PCNX1: variants seen among roughly 807,000 people sequenced by gnomAD.
PCNX1 encodes pecanex 1, also known as pecanex-like protein 1.
A neutral mutation model predicts 242.2 loss-of-function variants in PCNX1; 78 were observed. That is an observed-to-expected ratio of 0.32 (90% CI 0.27 to 0.39). PCNX1 has a LOEUF of 0.39. Ranked by LOEUF, PCNX1 falls within the 10% of genes least tolerant of loss-of-function variation. The pLI is 1.00. For synonymous variants in PCNX1, 1,024 were observed against 1,032.9 expected (o/e 0.99, Z 0.17); for missense variants, 2,581 against 2,856.5 (o/e 0.90, Z 2.20).
chr14:71,023,305 GT>G, intron 13 of PCNX1, 73 bp downstream of exon 13: 7 of 1,209,186 alleles, frequency 5.8e-6, no homozygotes, highest in Non-Finnish European at 7.2e-6. Flanking sequence ...TTTGTTTTTT[GT>G]TTTTTTGTTT....
intron 1 of PCNX1, among the ~76,000 whole-genome samples, chr14:70,913,319 CAT>C (rs1393346644): frequency 6.6e-6 from 1 of 152,144 alleles, no homozygotes; most frequent in Non-Finnish European, 1.5e-5. Context: ...TAGGCTGTAT[CAT>C]ATGGTGGAGC....
intron 31 of PCNX1, among the ~76,000 whole-genome samples, chr14:71,102,878 G>A (rs1337577898): frequency 6.6e-6 from 1 of 152,066 alleles, no homozygotes; most frequent in Non-Finnish European, 1.5e-5. Flanking sequence ...CAAAATGATA[G>A]CATACCATGT....
intron 30 of PCNX1, among the ~76,000 whole-genome samples, chr14:71,091,933 T>G (rs936425916): frequency 1.3e-5 from 2 of 152,198 alleles, no homozygotes; most frequent in Non-Finnish European, 2.9e-5. Context: ...TCCAGTAAAT[T>G]GTGTATTTCA....
rs144058686 is a variant in PCNX1, at chr14:70,978,397, G to A, written c.2060G>A (p.Arg687His). The part of the protein sequence containing the change: ...RTSSTNSAKT[R>H]ARVLSLDSGT... ...TCTAGCACAAATAGTGCCAAGACTC[G>A]TGCCCGAGTGTTGAGCCTGGACAGT... The change falls in exon 6 of 36, where the codon CGT (arginine) becomes CAT (histidine). Residue 687 changes from arginine to histidine, a missense_variant. By Grantham distance (29) the Arg-to-His change is conservative. Transcript: ENST00000304743. 7.4e-6 allele frequency: 12 copies of A among 1,614,170 alleles called. No homozygotes were observed. Among genetic ancestry groups the A allele is most frequent in the East Asian group, 6.7e-5 (3 of 44,888 alleles).
At chr14:71,073,930 C>G (rs1024565883) in intron 27 of PCNX1, 132 bp downstream of exon 27, 19 of 531,566 alleles carry the variant, frequency 3.6e-5, no homozygotes, top group African/African-American at 3.3e-4. Context: ...TTTAAATTCT[C>G]TAGGATCCAG....
intron 18 of PCNX1, among the ~76,000 whole-genome samples, chr14:71,035,516 G>A (rs891751042): frequency 6.6e-6 from 1 of 152,056 alleles, no homozygotes; most frequent in South Asian, 2.1e-4. Flanking sequence ...CCAGCACTTT[G>A]GGAGGCCAAG....
At chr14:71,003,628 T>A (rs2059574174) in intron 8 of PCNX1, among the ~76,000 whole-genome samples, 1 of 152,200 alleles carries the variant, frequency 6.6e-6, no homozygotes, top group African/African-American at 2.4e-5. Context: ...AAATATGAAC[T>A]TGTACATTCA....
chr14:71,064,386 G>A (rs568394555), intron 26 of PCNX1, among the ~76,000 whole-genome samples: 33 of 152,218 alleles, frequency 2.2e-4, no homozygotes, highest in African/African-American at 3.9e-4. Flanking sequence ...TTTAATTCAG[G>A]TATCCCATTC....
chr14:71,070,726 A>G (rs1473500175), intron 26 of PCNX1, among the ~76,000 whole-genome samples: 1 of 152,212 alleles, frequency 6.6e-6, no homozygotes, highest in Non-Finnish European at 1.5e-5. Flanking sequence ...GTGCACAGTT[A>G]GAGGAAATTT....
chr14:71,070,781 G>A (rs1386922767), intron 26 of PCNX1, among the ~76,000 whole-genome samples: 1 of 152,156 alleles, frequency 6.6e-6, no homozygotes, highest in Non-Finnish European at 1.5e-5. Context: ...TGGTAAATGA[G>A]CATTTCAACT....
At chr14:71,068,792 A>G (rs1181331927) in intron 26 of PCNX1, among the ~76,000 whole-genome samples, 1 of 115,076 alleles carries the variant, frequency 8.7e-6, no homozygotes, top group Non-Finnish European at 1.7e-5. Flanking sequence ...ATACATACAT[A>G]TATGGATATA....
intron 1 of PCNX1, among the ~76,000 whole-genome samples, chr14:70,936,476 T>C (rs566299586): frequency 2.6e-4 from 40 of 152,266 alleles, no homozygotes; most frequent in Non-Finnish European, 5.4e-4. Flanking sequence ...TTTTTTATGG[T>C]TACATAGTAT....
At chr14:71,094,380 T>G (rs2141715798) in intron 30 of PCNX1, among the ~76,000 whole-genome samples, 1 of 152,350 alleles carries the variant, frequency 6.6e-6, no homozygotes, top group Admixed American at 6.5e-5. Context: ...GGTATGCACA[T>G]TTGTCAAGAT....
intron 7 of PCNX1, among the ~76,000 whole-genome samples, chr14:70,994,499 G>A (rs1411312267): frequency 1.4e-5 from 2 of 147,758 alleles, no homozygotes; most frequent in African/African-American, 5.0e-5. Flanking sequence ...TTTGTTTTAT[G>A]TGTACTAGAG....
intron 2 of PCNX1, among the ~76,000 whole-genome samples, chr14:70,947,576 A>G (rs552016227): frequency 2.0e-5 from 3 of 152,306 alleles, no homozygotes; most frequent in African/African-American, 2.4e-5. Context: ...ATAGTTTCCT[A>G]TGCCTGTCCT....
chr14:71,007,320 A>G (rs2059695800), intron 8 of PCNX1, among the ~76,000 whole-genome samples: 1 of 152,052 alleles, frequency 6.6e-6, no homozygotes, highest in African/African-American at 2.4e-5. Flanking sequence ...TTACTGTTTC[A>G]TTTGAAAATT....
chr14:70,930,792 TG>T (rs1256857810), intron 1 of PCNX1, among the ~76,000 whole-genome samples: 1 of 152,054 alleles, frequency 6.6e-6, no homozygotes, highest in Non-Finnish European at 1.5e-5. Context: ...TTTTTTCCTT[TG>T]GGAAAGTATG....
intron 1 of PCNX1, among the ~76,000 whole-genome samples, chr14:70,928,497 C>A (rs375234699): frequency 1.7e-3 from 257 of 152,248 alleles, no homozygotes; most frequent in African/African-American, 5.8e-3. Flanking sequence ...TATCAATTTA[C>A]TGTGGGATTT....
In PCNX1 at chr14:71,105,288, C is replaced by G. The variant is rs2062580532; in HGVS notation, c.6149C>G (p.Ser2050Cys). Residue 2050 changes from serine to cysteine, a missense_variant, in exon 33 of 36, where the codon TCT becomes TGT. Ser to Cys is a moderately radical substitution (Grantham distance 112). Coordinates refer to ENST00000304743, the MANE Select transcript of PCNX1 (RefSeq NM_014982.3). Reference sequence around the variant, plus strand: ...AACAGTGGTGGCAATATTGAAGATTCTGATACTGGAGGTGGGACTTCCTGC... The same window carrying G: ...AACAGTGGTGGCAATATTGAAGATTGTGATACTGGAGGTGGGACTTCCTGC... The part of the protein sequence containing the change: ...GCNSGGNIED[S>C]DTGGGTSCTG... 4 of 1,613,938 alleles carry G rather than the reference C, an allele frequency of 2.5e-6. No homozygotes were observed. The highest frequency in any genetic ancestry group is 3.4e-6 in the Non-Finnish European group (4 of 1,179,966).
Sources: gnomAD v4.1 joint callset for allele counts (sites outside exome capture counted in the v4.1 genomes callset) on GRCh38, gnomAD v4.1.1 for gene constraint, MANE v1.5 for transcripts, NCBI Gene and HGNC (gene_info 2026-07-23, HGNC 2026-07-21) for gene names.